The following NEGR1 variants were observed in gnomAD, a reference collection of about 807,000 sequenced individuals.
NEGR1 encodes the protein neuronal growth regulator 1.
NEGR1 carries 10 observed loss-of-function variants against 40.9 expected under a neutral mutation model. The observed-to-expected ratio is 0.24, with a 90% CI of 0.15 to 0.42. NEGR1 has a LOEUF of 0.42. Among genes scored for constraint, NEGR1 ranks in the 10% least tolerant of loss-of-function variants. The pLI, the probability that NEGR1 is intolerant of heterozygous loss-of-function variation, is 1.00. For synonymous variants in NEGR1, 185 were observed against 166.8 expected, an observed-to-expected ratio of 1.11 and a Z score of -0.84; for missense variants, 352 against 438.9, an observed-to-expected ratio of 0.80 and a Z score of 1.77.
chr1:71,665,847 T>C (rs1234630727), intron 4 of NEGR1, among the ~76,000 whole-genome samples: 2 of 152,232 alleles, frequency 1.3e-5, no homozygotes, highest in South Asian at 2.1e-4. Flanking sequence ...CCTATGGCTC[T>C]AGTTATCCTC....
rs969842141 is a variant in NEGR1 at position 71,779,788 on chromosome 1, C to T, written c.410-3491G>A. ...TTTGCCACATTGGCCAGGCTGCTCT[C>T]GAACTCCTGACTTCAGGTGATCTAC... On this transcript the variant is annotated intron_variant, in intron 2 of 6. Transcript: ENST00000357731. Among the ~76,000 whole-genome samples, 7 of 152,012 alleles carry T rather than the reference C, an allele frequency of 4.6e-5. No homozygotes were observed. In the East Asian group the frequency reaches 1.4e-3, roughly 30 times the overall value.
At chr1:71,641,475 C>T (rs570397116) in intron 4 of NEGR1, among the ~76,000 whole-genome samples, 1 of 151,992 alleles carries the variant, frequency 6.6e-6, no homozygotes, top group African/African-American at 2.4e-5. Context: ...TGGTGGGTTT[C>T]CTCTGTATTC....
At chr1:71,801,464 A>G (rs1399272968) in intron 2 of NEGR1, among the ~76,000 whole-genome samples, 3 of 152,194 alleles carry the variant, frequency 2.0e-5, no homozygotes, top group African/African-American at 4.8e-5. Flanking sequence ...ATGGTTGTCT[A>G]GTACATATCT....
At chr1:71,826,071 G>A (rs181588503) in intron 2 of NEGR1, among the ~76,000 whole-genome samples, 33 of 151,964 alleles carry the variant, frequency 2.2e-4, no homozygotes, top group African/African-American at 7.7e-4. Context: ...TGATTTACCA[G>A]TGCCAGGTCT....
intron 1 of NEGR1, among the ~76,000 whole-genome samples, chr1:72,092,238 C>G (rs1648528143): frequency 6.6e-6 from 1 of 152,110 alleles, no homozygotes; most frequent in South Asian, 2.1e-4. Flanking sequence ...CCTGAACCAT[C>G]TTTCTTAGGA....
At chr1:71,780,040 C>CAAAAAAAAAAAAAAAAAAAAA (rs57576840) in intron 2 of NEGR1, among the ~76,000 whole-genome samples, 7 of 99,734 alleles carry the variant, frequency 7.0e-5, no homozygotes, top group Admixed American at 2.4e-4. Context: ...ATAGGAAAAC[C>CAAAAAAAAAAAAAAAAAAAAA]AAAAAAAAAA....
intron 1 of NEGR1, among the ~76,000 whole-genome samples, chr1:72,031,358 C>G (rs1423205195): frequency 2.0e-5 from 3 of 152,176 alleles, no homozygotes; most frequent in African/African-American, 4.8e-5. Flanking sequence ...TCCTCTATAT[C>G]CAGCCCCACT....
intron 2 of NEGR1, among the ~76,000 whole-genome samples, chr1:71,800,261 G>T (rs1570363680): frequency 6.6e-6 from 1 of 152,182 alleles, no homozygotes; most frequent in African/African-American, 2.4e-5. Flanking sequence ...TTTGTCAGAT[G>T]GATAGATTGC....
At chr1:71,647,561 G>A (rs72677175) in intron 4 of NEGR1, among the ~76,000 whole-genome samples, 5,290 of 151,958 alleles carry the variant, frequency 0.035, 142 homozygotes, top group Non-Finnish European at 0.053. Context: ...TGAACTTCCT[G>A]TAAGCCATTT....
chr1:71,596,063 A>AAG (rs1553152507), intron 5 of NEGR1, among the ~76,000 whole-genome samples: 42 of 136,354 alleles, frequency 3.1e-4, no homozygotes, highest in African/African-American at 1.0e-3. Context: ...AAAAAAAAAA[A>AAG]AGAGAAACAA....
At chr1:71,771,699 C>CAAAAAGA (rs1656331322) in intron 3 of NEGR1, among the ~76,000 whole-genome samples, 1 of 12,088 alleles carries the variant, frequency 8.3e-5, no homozygotes, top group African/African-American at 2.3e-4. Context: ...GACTTAGTCT[C>CAAAAAGA]AAAAAAAAAA....
At position 71,935,137 on chromosome 1, in the gene NEGR1, C is replaced by T. The variant is rs200181663; in HGVS notation, c.351G>A (p.Thr117=). ...NVDVTDDGPY[T]CSVQTQHTPR... The stretch of plus-strand genomic sequence containing the variant: ...GTGTATGTTGAGTCTGAACAGAACA[C>T]GTGTATGGGCCATCATCTGTCACAT... The change falls in exon 2 of 7, where the codon ACG becomes ACA. Residue 117 remains threonine, a synonymous_variant. Coordinates refer to ENST00000357731, the MANE Select transcript of NEGR1 (RefSeq NM_173808.3). The T allele has an allele frequency of 6.6e-5, 107 of 1,613,774 alleles. No homozygotes were observed. The highest frequency in any genetic ancestry group is 5.5e-5 in the South Asian group (5 of 91,084).
chr1:72,133,935 A>G (rs1197582329), intron 1 of NEGR1, among the ~76,000 whole-genome samples: 1 of 151,896 alleles, frequency 6.6e-6, no homozygotes, highest in Non-Finnish European at 1.5e-5. Context: ...TAATTTTTAA[A>G]TTTGATGAAA....
intron 6 of NEGR1, among the ~76,000 whole-genome samples, chr1:71,464,259 A>G (rs1231509832): frequency 6.6e-6 from 1 of 152,150 alleles, no homozygotes; most frequent in Admixed American, 6.6e-5. Flanking sequence ...GAGTAAACTG[A>G]TTTTAAATAT....
chr1:71,918,211 T>C (rs1464226133), intron 2 of NEGR1, among the ~76,000 whole-genome samples: 4 of 54,146 alleles, frequency 7.4e-5, no homozygotes, highest in Admixed American at 3.7e-4. Flanking sequence ...AACGAGACTC[T>C]GTCTCAAAAA....
At chr1:71,630,562 A>T (rs1650940739) in intron 4 of NEGR1, among the ~76,000 whole-genome samples, 1 of 151,864 alleles carries the variant, frequency 6.6e-6, no homozygotes, top group African/African-American at 2.4e-5. Context: ...ATGGTCCATT[A>T]TGGTTTTATG....
chr1:71,610,593 A>C (rs2101541916), intron 5 of NEGR1, among the ~76,000 whole-genome samples: 1 of 152,336 alleles, frequency 6.6e-6, no homozygotes, highest in Non-Finnish European at 1.5e-5. Context: ...CAAAATGTTA[A>C]ACTATCTTGT....
intron 1 of NEGR1, among the ~76,000 whole-genome samples, chr1:72,012,739 T>C (rs557884983): frequency 6.6e-6 from 1 of 151,414 alleles, no homozygotes; most frequent in Admixed American, 6.6e-5. Flanking sequence ...TTCCAGAAAA[T>C]AAAGTTCTCC....
intron 2 of NEGR1, among the ~76,000 whole-genome samples, chr1:71,836,080 C>T (rs1255162561): frequency 1.3e-5 from 2 of 152,060 alleles, no homozygotes; most frequent in Non-Finnish European, 2.9e-5. Flanking sequence ...CTCATACTGC[C>T]TCTACCCCCT....
Sources: allele counts gnomAD v4.1 joint callset (sites outside exome capture counted in the v4.1 genomes callset), GRCh38; gene constraint gnomAD v4.1.1; transcripts MANE v1.5; gene names NCBI Gene and HGNC (gene_info 2026-07-23, HGNC 2026-07-21).